CREBBP: variants seen among roughly 807,000 people sequenced by gnomAD.
CREBBP encodes CREB binding lysine acetyltransferase.
Under a neutral mutation model 265.0 loss-of-function variants are expected in CREBBP, and 19 were observed. The observed-to-expected ratio is 0.07, with a 90% CI of 0.05 to 0.11. CREBBP has a LOEUF of 0.11. Ranked by LOEUF, CREBBP falls within the 10% of genes least tolerant of loss-of-function variation. CREBBP has a pLI of 1.00. For synonymous variants in CREBBP, 1,457 were observed against 1,223.7 expected (o/e 1.19, Z -3.98); for missense variants, 2,525 against 3,219.0 (o/e 0.78, Z 5.22).
chr16:3,824,561 G>T (rs556557896), intron 2 of CREBBP, among the ~76,000 whole-genome samples: 34 of 152,316 alleles, frequency 2.2e-4, no homozygotes, highest in Admixed American at 3.3e-4. Flanking sequence ...CGACAGACAG[G>T]AACAAACGCT....
intron 30 of CREBBP, 144 bp from the exon 31 acceptor site, chr16:3,730,018 G>C (rs1230317686): frequency 5.9e-6 from 8 of 1,363,924 alleles, no homozygotes; most frequent in South Asian, 2.6e-5. Context: ...ATGCGAGCAC[G>C]GACAGGTGGG....
rs1379999620 is a variant in CREBBP, at chr16:3,727,840, G to T, written c.7207C>A (p.Pro2403Thr). 6.2e-7 allele frequency: 1 copy of T among 1,614,144 alleles called. No homozygotes were observed. The highest frequency in any genetic ancestry group is 8.5e-7 in the Non-Finnish European group (1 of 1,180,042). Reference protein sequence around the residue: ...SSIDQGHLGNPEQSAMLPQLN... With the variant: ...SSIDQGHLGNTEQSAMLPQLN... ...TGGGGGAGCATTGCACTCTGTTCGGGGTTCCCCAAGTGTCCCTGATCTATG... is the reference window on the plus strand; with the variant it reads ...TGGGGGAGCATTGCACTCTGTTCGGTGTTCCCCAAGTGTCCCTGATCTATG... Residue 2403 changes from proline (P) to threonine (T), a missense_variant, in exon 31 of 31, where the codon CCC becomes ACC. Pro to Thr is a conservative substitution (Grantham distance 38). This residue lies in a region of CREBBP where 473 missense variants were observed against 459.3 expected (regional missense o/e 1.03). Coordinates refer to ENST00000262367, the MANE Select transcript of CREBBP (RefSeq NM_004380.3).
intron 28 of CREBBP, among the ~76,000 whole-genome samples, chr16:3,734,168 G>A (rs1266978092): frequency 6.6e-6 from 1 of 152,016 alleles, no homozygotes; most frequent in Non-Finnish European, 1.5e-5. Flanking sequence ...TGACACTATC[G>A]CGAGCCTTTC....
At chr16:3,814,466 C>T (rs112638290) in intron 2 of CREBBP, among the ~76,000 whole-genome samples, 58,082 of 151,808 alleles carry the variant, frequency 0.38, 13,514 homozygotes, top group Non-Finnish European at 0.53. Flanking sequence ...ATGTTGGCCA[C>T]GCTGGCCTCA....
chr16:3,855,074 G>T (rs745652445), intron 1 of CREBBP, among the ~76,000 whole-genome samples: 1 of 152,086 alleles, frequency 6.6e-6, no homozygotes, highest in Non-Finnish European at 1.5e-5. Flanking sequence ...CTCAAATTTT[G>T]CTGGTTGTCC....
rs2051916864 is a variant in CREBBP at position 3,731,539 on chromosome 16, C to A, written c.4891-66G>T. On this transcript the variant is annotated intron_variant, in intron 29 of 30. Coordinates refer to ENST00000262367, the MANE Select transcript of CREBBP (RefSeq NM_004380.3). This position sits in a 1 kb window ranked among gnomAD's most constrained non-coding sequence, Gnocchi z 7.7. ...GGCACCTCCAGTGGTGAGCTCAGGG[C>A]AGGCGCAGCCACCCAGCCTGCAGAA... 2.6e-6 allele frequency: 4 copies of A among 1,539,536 alleles called. No individual in the cohort carries two copies. Among genetic ancestry groups the A allele is most frequent in the South Asian group, 1.2e-5 (1 of 85,638 alleles).
chr16:3,757,452 T>C (rs1018740541), intron 18 of CREBBP, 76 bp from the exon 19 acceptor site: 18 of 1,173,696 alleles, frequency 1.5e-5, no homozygotes, highest in African/African-American at 4.6e-5. Context: ...TAGTCTACTA[T>C]AGAGACTAGT....
chr16:3,734,090 CGT>C (rs1178732441), intron 28 of CREBBP, among the ~76,000 whole-genome samples: 1 of 152,184 alleles, frequency 6.6e-6, no homozygotes, highest in African/African-American at 2.4e-5. Context: ...CATTTGTCTC[CGT>C]GTTTGCGACA....
Position 3,849,415 on chromosome 16 carries a change from GTGTGTGTGTGTGTGTGTGTGTGTGTGT to G in CREBBP, c.798+855_798+881del, listed in dbSNP as rs2054741097. 6.3e-4 allele frequency among the ~76,000 whole-genome samples: 4 copies of G among 6,300 alleles called. 1 individual carries two copies. The highest frequency in any genetic ancestry group is 2.3e-3 in the Non-Finnish European group (1 of 430). 4.1% of individuals were successfully genotyped at this position (6,300 alleles called of 152,430 possible). A position where few individuals can be genotyped will look rare whatever the true frequency, so the allele number is the denominator to read the frequency against. On this transcript the variant is annotated intron_variant, in intron 2 of 30. Coordinates refer to ENST00000262367, the MANE Select transcript of CREBBP (RefSeq NM_004380.3). ...TGTGTGTGTGTGTGTGTGTGTGTGT[GTGTGTGTGTGTGTGTGTGTGTGTGTGT>G]GTGTGTGTGTGTGTGTGTGTGTGTG...
intron 1 of CREBBP, among the ~76,000 whole-genome samples, chr16:3,862,102 T>A (rs1285315283): frequency 1.3e-5 from 2 of 152,184 alleles, no homozygotes; most frequent in Admixed American, 6.5e-5. Flanking sequence ...GTACTCTAAT[T>A]GAGGAAGACA....
At chr16:3,864,409 C>G (rs2055137136) in intron 1 of CREBBP, among the ~76,000 whole-genome samples, 1 of 152,128 alleles carries the variant, frequency 6.6e-6, no homozygotes, top group African/African-American at 2.4e-5. Context: ...CTTTGGGAAG[C>G]CGAGGCAGGG....
chr16:3,736,891 G>C (rs1464233585), intron 26 of CREBBP, 76 bp from the exon 27 acceptor site: 1 of 1,558,922 alleles, frequency 6.4e-7, no homozygotes, highest in Non-Finnish European at 8.8e-7. Context: ...TATAGCAGAG[G>C]AGCAAGGACT....
chr16:3,736,224 A>G lies in CREBBP; in HGVS notation c.4561-21T>C, dbSNP rs114902705. 1.7e-3 allele frequency: 2,770 copies of G among 1,612,724 alleles called. 45 individuals carry two copies. In the African/African-American group the frequency reaches 0.033, roughly 19 times the overall value. On this transcript the variant is annotated intron_variant, in intron 27 of 30. Transcript: ENST00000262367. Reference sequence around the variant, plus strand: ...ATATCCTGAGTGGGCAAAGCACAACAGTGAGATGAGGGCCATGCACGCGTG... The same window carrying G: ...ATATCCTGAGTGGGCAAAGCACAACGGTGAGATGAGGGCCATGCACGCGTG...
chr16:3,787,472 C>T (rs1404678569), intron 5 of CREBBP, among the ~76,000 whole-genome samples: 1 of 152,134 alleles, frequency 6.6e-6, no homozygotes, highest in Admixed American at 6.5e-5. Flanking sequence ...TTGCTGTCCC[C>T]CATCCCACTA....
intron 2 of CREBBP, among the ~76,000 whole-genome samples, chr16:3,846,431 T>TAGATAATTCAGAAATTCAGA (rs1680197138): frequency 1.3e-5 from 2 of 152,256 alleles, no homozygotes; most frequent in African/African-American, 4.8e-5. Context: ...TCAGTATCTT[T>TAGATAATTCAGAAATTCAGA]TAATTCAGAA....
At chr16:3,756,180 C>A (rs1015756711) in intron 19 of CREBBP, among the ~76,000 whole-genome samples, 2 of 152,136 alleles carry the variant, frequency 1.3e-5, no homozygotes, top group African/African-American at 4.8e-5. Flanking sequence ...AAACGCCAAA[C>A]CCCACTGTTG....
intron 3 of CREBBP, among the ~76,000 whole-genome samples, chr16:3,803,144 C>T (rs1405492143): frequency 1.3e-5 from 2 of 151,230 alleles, no homozygotes; most frequent in Non-Finnish European, 2.9e-5. Context: ...CTTCTTTTTG[C>T]TTTGTGTTTA....
At chr16:3,746,391 T>G (rs1421726216) in intron 21 of CREBBP, among the ~76,000 whole-genome samples, 3 of 151,954 alleles carry the variant, frequency 2.0e-5, no homozygotes, top group Non-Finnish European at 4.4e-5. Flanking sequence ...CACCCGTTCA[T>G]GGTCCTATGG....
chr16:3,827,330 T>C (rs1780969359), intron 2 of CREBBP, among the ~76,000 whole-genome samples: 1 of 152,214 alleles, frequency 6.6e-6, no homozygotes, highest in Non-Finnish European at 1.5e-5. Flanking sequence ...AAATCAAACC[T>C]TTCCTTGCTA....
Sources: allele counts gnomAD v4.1 joint callset (sites outside exome capture counted in the v4.1 genomes callset), GRCh38; gene constraint gnomAD v4.1.1; regional missense constraint gnomAD v4.1.1; non-coding constraint Gnocchi (gnomAD v3.1); transcripts MANE v1.5; gene names NCBI Gene and HGNC (gene_info 2026-07-23, HGNC 2026-07-21).